TMCC1: variants seen among roughly 807,000 people sequenced by gnomAD.
The protein encoded by TMCC1 is transmembrane and coiled-coil domains protein 1.
Under a neutral mutation model 52.4 loss-of-function variants are expected in TMCC1, and 15 were observed. That is an observed-to-expected ratio of 0.29 (90% CI 0.19 to 0.44). The LOEUF (loss-of-function observed/expected upper bound fraction) is 0.44. Ranked by LOEUF, TMCC1 falls within the 20% of genes least tolerant of loss-of-function variation. TMCC1 has a pLI of 1.00. For synonymous variants in TMCC1, 279 were observed against 301.9 expected (o/e 0.92, Z 0.79); for missense variants, 503 against 806.0 (o/e 0.62, Z 4.55).
chr3:129,877,664 T>A (rs970470338), intron 2 of TMCC1, among the ~76,000 whole-genome samples: 3 of 145,524 alleles, frequency 2.1e-5, no homozygotes, highest in African/African-American at 5.1e-5. Flanking sequence ...AGTCTCACTC[T>A]ATGACCCAGG....
chr3:129,872,318 G>A (rs919745896), intron 2 of TMCC1, among the ~76,000 whole-genome samples: 17 of 152,140 alleles, frequency 1.1e-4, no homozygotes, highest in African/African-American at 4.1e-4. Flanking sequence ...CATTACACAG[G>A]AAGTGCACTC....
At chr3:129,841,973 T>C (rs886724234) in intron 2 of TMCC1, among the ~76,000 whole-genome samples, 1 of 152,208 alleles carries the variant, frequency 6.6e-6, no homozygotes, top group African/African-American at 2.4e-5. Flanking sequence ...CTTTATAGCA[T>C]TGTGAAAACA....
At chr3:129,788,634 T>C (rs1246313255) in intron 4 of TMCC1, among the ~76,000 whole-genome samples, 3 of 151,726 alleles carry the variant, frequency 2.0e-5, no homozygotes, top group Non-Finnish European at 4.4e-5. Context: ...GGCTAATTTT[T>C]TTTTTTTGTA....
chr3:129,806,750 C>T (rs1049605592), intron 4 of TMCC1, among the ~76,000 whole-genome samples: 35 of 152,026 alleles, frequency 2.3e-4, no homozygotes, highest in Admixed American at 1.5e-3. Context: ...ACAAGAAAAG[C>T]ATGCTACAAA....
rs563474830 is a variant in TMCC1, at chr3:129,769,346, C to T, written c.576+58457G>A. On this transcript the variant is annotated intron_variant, in intron 4 of 6. Transcript: ENST00000393238. ...TCGGGTTCAAGCGATTCTCATGCCTCGGCCTCCTGAATAGCTGGGATTACA... is the reference window on the plus strand; with the variant it reads ...TCGGGTTCAAGCGATTCTCATGCCTTGGCCTCCTGAATAGCTGGGATTACA... Among the ~76,000 whole-genome samples, 191 of 152,314 alleles carry T rather than the reference C, an allele frequency of 1.3e-3. 1 individual carries two copies. The highest frequency in any genetic ancestry group is 0.011 in the Admixed American group (165 of 15,304).
Position 129,651,621 on chromosome 3 carries a change from C to G in TMCC1, c.1822G>C (p.Ala608Pro). The part of the protein sequence containing the change: ...AVLLVFVSTV[A>P]NCVVPLMKTR... ...TTCATGAGGGGGACCACACAGTTGGCTACAGTGGAGACAAAGACCAAAAGG... is the reference window on the plus strand; with the variant it reads ...TTCATGAGGGGGACCACACAGTTGGGTACAGTGGAGACAAAGACCAAAAGG... The change falls in exon 7 of 7, where the codon GCC (alanine) becomes CCC (proline). Residue 608 changes from alanine (A) to proline (P), a missense_variant. Ala to Pro is a conservative substitution (Grantham distance 27). Coordinates refer to ENST00000393238, the MANE Select transcript of TMCC1 (RefSeq NM_001017395.5). The surrounding 1 kb of genome is among the most constrained non-coding windows in gnomAD (Gnocchi z 5.1). The G allele has an allele frequency of 6.2e-7, 1 of 1,614,220 alleles. No individual in the cohort carries two copies. Among genetic ancestry groups the G allele is most frequent in the Non-Finnish European group, 8.5e-7 (1 of 1,180,036 alleles).
At chr3:129,831,283 TG>T (rs1372947273) in intron 3 of TMCC1, among the ~76,000 whole-genome samples, 1 of 152,142 alleles carries the variant, frequency 6.6e-6, no homozygotes, top group Non-Finnish European at 1.5e-5. Context: ...TACAAGGAAA[TG>T]TTAGCATTTC....
chr3:129,868,369 T>C (rs899054602), intron 2 of TMCC1, among the ~76,000 whole-genome samples: 3 of 152,258 alleles, frequency 2.0e-5, no homozygotes, highest in East Asian at 1.9e-4. Context: ...TGAGAATAAA[T>C]GTCTAAGCAA....
At chr3:129,853,853 C>A (rs528089432) in intron 2 of TMCC1, among the ~76,000 whole-genome samples, 1 of 152,130 alleles carries the variant, frequency 6.6e-6, no homozygotes, top group African/African-American at 2.4e-5. Flanking sequence ...CAGTGAAGAG[C>A]ACTAAGTTAA....
At chr3:129,717,834 A>T (rs996642898) in intron 4 of TMCC1, among the ~76,000 whole-genome samples, 1 of 152,172 alleles carries the variant, frequency 6.6e-6, no homozygotes, top group African/African-American at 2.4e-5. Context: ...TCTTGCCCAC[A>T]TATCTGTTCT....
intron 2 of TMCC1, among the ~76,000 whole-genome samples, chr3:129,861,383 T>C (rs769909820): frequency 1.4e-4 from 21 of 152,074 alleles, no homozygotes; most frequent in Non-Finnish European, 2.5e-4. Flanking sequence ...GAGGTTTCAG[T>C]GAGCCGAGAT....
intron 2 of TMCC1, among the ~76,000 whole-genome samples, chr3:129,871,881 A>C (rs563543547): frequency 1.4e-3 from 206 of 152,366 alleles, no homozygotes; most frequent in Non-Finnish European, 2.2e-3. Flanking sequence ...GCATGAGAGC[A>C]ATGCAAATGA....
intron 4 of TMCC1, among the ~76,000 whole-genome samples, chr3:129,742,106 TC>T (rs1298778894): frequency 3.3e-5 from 5 of 152,106 alleles, no homozygotes; most frequent in African/African-American, 1.2e-4. Context: ...TGGATGTAAA[TC>T]TTTGTGACCT....
At chr3:129,819,141 G>A (rs1302912341) in intron 4 of TMCC1, 3 of 152,222 alleles carry the variant, frequency 2.0e-5, no homozygotes, top group East Asian at 3.8e-4. Context: ...GGAGTGCAAT[G>A]GCCCGATCTC....
intron 2 of TMCC1, among the ~76,000 whole-genome samples, chr3:129,875,180 C>A (rs2061133054): frequency 2.0e-5 from 3 of 151,224 alleles, no homozygotes; most frequent in African/African-American, 7.3e-5. Flanking sequence ...CAGCAAGATT[C>A]CATTGCTATT....
intron 2 of TMCC1, among the ~76,000 whole-genome samples, chr3:129,869,301 CT>C (rs1172150836): frequency 1.3e-5 from 2 of 152,104 alleles, no homozygotes; most frequent in Admixed American, 6.5e-5. Flanking sequence ...CCTCACACCC[CT>C]CCCCCATAGC....
At chr3:129,835,345 A>ATATTTTTT (rs986152419) in intron 2 of TMCC1, among the ~76,000 whole-genome samples, 2 of 151,762 alleles carry the variant, frequency 1.3e-5, no homozygotes, top group East Asian at 3.9e-4. Context: ...ATATATATAT[A>ATATTTTTT]TTTTAATGAC....
chr3:129,797,051 C>T (rs1179938147), intron 4 of TMCC1, among the ~76,000 whole-genome samples: 2 of 152,096 alleles, frequency 1.3e-5, no homozygotes, highest in Non-Finnish European at 2.9e-5. Flanking sequence ...ATAGGCCAGG[C>T]GCGGTGGCTC....
chr3:129,660,214 C>T (rs1286122143), intron 5 of TMCC1, among the ~76,000 whole-genome samples: 2 of 152,120 alleles, frequency 1.3e-5, no homozygotes, highest in Admixed American at 6.6e-5. Flanking sequence ...GTGGCGTGAT[C>T]GTGGCTCATT....
Sources: allele counts gnomAD v4.1 joint callset (sites outside exome capture counted in the v4.1 genomes callset), GRCh38; gene constraint gnomAD v4.1.1; non-coding constraint Gnocchi (gnomAD v3.1); transcripts MANE v1.5; gene names NCBI Gene and HGNC (gene_info 2026-07-23, HGNC 2026-07-21).